SRPK2: variants seen among roughly 807,000 people sequenced by gnomAD.
SRPK2 encodes the protein SRSF protein kinase 2.
In SRPK2, 21 loss-of-function variants were observed where a neutral mutation model predicts 90.8. That is an observed-to-expected ratio of 0.23 (90% CI 0.16 to 0.33). The LOEUF is 0.33. Among genes scored for constraint, SRPK2 ranks in the 10% least tolerant of loss-of-function variants. The pLI is 1.00. For missense variants in SRPK2, 620 were observed against 869.0 expected (o/e 0.71, Z 3.60); for synonymous variants, 288 against 311.1 (o/e 0.93, Z 0.78).
At chr7:105,228,492 T>G (rs1007868662) in intron 2 of SRPK2, among the ~76,000 whole-genome samples, 3 of 152,192 alleles carry the variant, frequency 2.0e-5, no homozygotes, top group Non-Finnish European at 4.4e-5. Context: ...GGGCCTAATG[T>G]AAGAATGTAG....
chr7:105,240,658 G>A (rs939567788), intron 2 of SRPK2, among the ~76,000 whole-genome samples: 5 of 152,098 alleles, frequency 3.3e-5, no homozygotes, highest in African/African-American at 1.2e-4. Context: ...GAAAGTACAA[G>A]GAGAAGTGAC....
At chr7:105,263,118 T>C (rs970527319) in intron 2 of SRPK2, among the ~76,000 whole-genome samples, 4 of 151,860 alleles carry the variant, frequency 2.6e-5, no homozygotes, top group African/African-American at 9.7e-5. Flanking sequence ...AGGTCAGGAG[T>C]TTGAGACCAG....
intron 2 of SRPK2, among the ~76,000 whole-genome samples, chr7:105,261,612 A>G (rs1303734958): frequency 6.6e-6 from 1 of 152,314 alleles, no homozygotes. Flanking sequence ...TTATTTATTA[A>G]TCTATGCCAA....
rs569861990 is a variant in SRPK2, at chr7:105,349,943, T to C, written c.71+38705A>G. On this transcript the variant is annotated intron_variant, in intron 2 of 15. Transcript: ENST00000393651. ...TAGTAGAGATGGGGTTTCGCCATGT[T>C]GGCCAGGATGATCTCAATCTCCTGA... is the stretch of plus-strand genomic sequence containing the variant. Among the ~76,000 whole-genome samples the C allele has an allele frequency of 7.9e-5, 12 of 151,050 alleles. No homozygotes were observed. In the South Asian group the frequency reaches 2.5e-3, roughly 32 times the overall value.
At chr7:105,181,881 T>TAAAAAAAAA (rs755821029) in intron 3 of SRPK2, among the ~76,000 whole-genome samples, 2 of 84,876 alleles carry the variant, frequency 2.4e-5, no homozygotes, top group Non-Finnish European at 5.3e-5. Context: ...AAGATAAAAG[T>TAAAAAAAAA]AAAAAAAAAA....
At chr7:105,306,381 T>A in intron 2 of SRPK2, 1 of 382,314 alleles carries the variant, frequency 2.6e-6, no homozygotes, top group South Asian at 2.0e-5. Flanking sequence ...CTGTGAATTA[T>A]TTTTGCAAAG....
intron 2 of SRPK2, among the ~76,000 whole-genome samples, chr7:105,283,716 C>T (rs1005848539): frequency 3.3e-5 from 5 of 151,990 alleles, no homozygotes; most frequent in Non-Finnish European, 7.4e-5. Flanking sequence ...TGTGAATATG[C>T]TAAAAGCTAT....
At chr7:105,216,655 CAA>C (rs11337476) in intron 2 of SRPK2, among the ~76,000 whole-genome samples, 242 of 130,646 alleles carry the variant, frequency 1.9e-3, no homozygotes, top group Middle Eastern at 7.6e-3. Context: ...ACCCTGTCTC[CAA>C]AAAAAAAAAA....
At chr7:105,135,483 C>A (rs146656732) in intron 11 of SRPK2, among the ~76,000 whole-genome samples, 1 of 152,224 alleles carries the variant, frequency 6.6e-6, no homozygotes, top group African/African-American at 2.4e-5. Context: ...GTTCCGCCCC[C>A]ACAAACAACT....
chr7:105,342,667 C>T (rs1421628756), intron 2 of SRPK2, among the ~76,000 whole-genome samples: 2 of 152,152 alleles, frequency 1.3e-5, no homozygotes, highest in South Asian at 2.1e-4. Flanking sequence ...ACCTTGTTCT[C>T]GCTCTCCTCC....
chr7:105,162,016 A>C (rs1272002883), intron 6 of SRPK2, among the ~76,000 whole-genome samples: 2 of 152,184 alleles, frequency 1.3e-5, no homozygotes, highest in Non-Finnish European at 2.9e-5. Context: ...CCAAGTAGTC[A>C]GTACTACAGG....
At chr7:105,300,138 C>T (rs907307134) in intron 2 of SRPK2, among the ~76,000 whole-genome samples, 3 of 150,228 alleles carry the variant, frequency 2.0e-5, no homozygotes, top group South Asian at 2.1e-4. Context: ...CTGTAGGCCC[C>T]GCTACTCAGG....
chr7:105,190,112 A>C (rs1181022360), intron 3 of SRPK2, among the ~76,000 whole-genome samples: 4 of 152,198 alleles, frequency 2.6e-5, no homozygotes, highest in Middle Eastern at 3.2e-3. Flanking sequence ...GGAGGATCAC[A>C]ACAGATCACA....
chr7:105,188,181 GAATAA>G (rs1793829893), intron 3 of SRPK2, among the ~76,000 whole-genome samples: 1 of 152,182 alleles, frequency 6.6e-6, no homozygotes, highest in South Asian at 2.1e-4. Flanking sequence ...TGAAATGAAT[GAATAA>G]AATACATGGT....
chr7:105,292,522 A>AAAAAAG (rs1809186033), intron 2 of SRPK2, among the ~76,000 whole-genome samples: 1 of 147,636 alleles, frequency 6.8e-6, no homozygotes, highest in Non-Finnish European at 1.5e-5. Flanking sequence ...AAAAAAAAAA[A>AAAAAAG]AGAGCATAAT....
chr7:105,235,978 A>G (rs1429588821), intron 2 of SRPK2, among the ~76,000 whole-genome samples: 2 of 152,218 alleles, frequency 1.3e-5, no homozygotes, highest in Admixed American at 6.5e-5. Context: ...TTAGAGGAAA[A>G]GCAAAAGGAA....
At chr7:105,143,410 T>G (rs918157813) in intron 9 of SRPK2, 80 bp from the exon 10 acceptor site, 1 of 1,515,344 alleles carries the variant, frequency 6.6e-7, no homozygotes, top group Non-Finnish European at 8.9e-7. Flanking sequence ...GCATGGCAAA[T>G]AGCAATAAAC....
Position 105,132,862 on chromosome 7 carries a change from A to T in SRPK2, c.1681T>A (p.Tyr561Asn). 6.2e-7 allele frequency: 1 copy of T among 1,611,786 alleles called. No individual in the cohort carries two copies. Among genetic ancestry groups the T allele is most frequent in the African/African-American group, 1.3e-5 (1 of 74,986 alleles). ...HFTEDIQTRQ[Y>N]RSIEVLIGAG... ...CCTATTAAAACCTCTATGGAGCGGTACTGACGCGTCTGGATGTCTTCCGTG... is the reference window on the plus strand; with the variant it reads ...CCTATTAAAACCTCTATGGAGCGGTTCTGACGCGTCTGGATGTCTTCCGTG... The change falls in exon 13 of 16, where the codon TAC becomes AAC. Residue 561 changes from tyrosine (Y) to asparagine (N), a missense_variant. Tyr to Asn is a moderately radical substitution (Grantham distance 143). Transcript: ENST00000393651.
At chr7:105,280,981 A>C (rs1488468046) in intron 2 of SRPK2, among the ~76,000 whole-genome samples, 3 of 125,270 alleles carry the variant, frequency 2.4e-5, no homozygotes, top group Non-Finnish European at 5.0e-5. Flanking sequence ...AAAAAAAAAA[A>C]AAAACCTTGT....
Sources: allele counts gnomAD v4.1 joint callset (sites outside exome capture counted in the v4.1 genomes callset), GRCh38; gene constraint gnomAD v4.1.1; transcripts MANE v1.5; gene names NCBI Gene and HGNC (gene_info 2026-07-23, HGNC 2026-07-21).